The following ZNF800 variants were observed in gnomAD, a reference collection of about 807,000 sequenced individuals.
ZNF800 encodes zinc finger protein 800.
A neutral mutation model predicts 59.5 loss-of-function variants in ZNF800; 13 were observed. The observed-to-expected ratio is 0.22, with a 90% CI of 0.14 to 0.35. The LOEUF (loss-of-function observed/expected upper bound fraction) is 0.35. ZNF800 is among the 10% of genes least tolerant of loss of function. The probability of loss-of-function intolerance (pLI) is 1.00; values close to 1 mark genes in which losing one functional copy is unlikely to be tolerated. For synonymous variants in ZNF800, 266 were observed against 265.7 expected (o/e 1.00, Z -0.01); for missense variants, 621 against 783.7 (o/e 0.79, Z 2.48).
At chr7:127,386,190 C>CA (rs1216932963) in intron 2 of ZNF800, 35 bp from the exon 3 acceptor site, 4 of 1,301,896 alleles carry the variant, frequency 3.1e-6, no homozygotes, top group Admixed American at 2.0e-5. Context: ...CCAATCCCCA[C>CA]AAAAAAAGGG....
chr7:127,389,160 G>C (rs1453342362), intron 2 of ZNF800, among the ~76,000 whole-genome samples: 3 of 152,146 alleles, frequency 2.0e-5, no homozygotes, highest in Admixed American at 2.0e-4. Flanking sequence ...TAGGGAGAGA[G>C]AGTAAGTGGA....
At chr7:127,369,940 T>C (rs1335890356), downstream of ZNF800, 1 of 152,100 alleles carries the variant, frequency 6.6e-6, no homozygotes, top group South Asian at 2.1e-4. Flanking sequence ...ACCCCTAGCT[T>C]TTTAGGAATC....
intron 1 of ZNF800, among the ~76,000 whole-genome samples, chr7:127,354,968 G>C (rs11563297): frequency 0.02 from 3,061 of 152,150 alleles, 121 homozygotes; most frequent in African/African-American, 0.07. Context: ...AAGTAAAAGT[G>C]TGATTAACCC....
intron 3 of ZNF800, among the ~76,000 whole-genome samples, chr7:127,384,486 G>A (rs989061688): frequency 1.3e-5 from 2 of 151,370 alleles, no homozygotes; most frequent in South Asian, 2.1e-4. Context: ...TGCCCGCCTC[G>A]GCCTCCCAAA....
At chr7:127,372,110 A>G (rs899730016) in intron 5 of ZNF800, among the ~76,000 whole-genome samples, 1 of 152,208 alleles carries the variant, frequency 6.6e-6, no homozygotes, top group African/African-American at 2.4e-5. Flanking sequence ...AGACTTGCGA[A>G]AAGTATAGGG....
In ZNF800 at chr7:127,392,241, G is replaced by A. The variant is rs1447091109; in HGVS notation, c.-240C>T. 1.0e-5 allele frequency: 4 copies of A among 393,822 alleles called. No homozygotes were observed. Among genetic ancestry groups the A allele is most frequent in the East Asian group, 3.6e-5 (1 of 27,770 alleles). The allele number at this position is 393,822 out of a possible 1,614,324, so 24.4% of individuals were successfully genotyped here. A position where few individuals can be genotyped will look rare whatever the true frequency, so the allele number is the denominator to read the frequency against. ...AAAGAGTCCCCGCCGGCGCTGACGC[G>A]GAAGCGCCACAGCTCACCACGTCCC... On this transcript the variant is annotated 5_prime_UTR_variant, in exon 1 of 6. Coordinates refer to ENST00000265827, the MANE Select transcript of ZNF800 (RefSeq NM_176814.5).
At chr7:127,367,016 G>A (rs17870051), downstream of ZNF800, among the ~76,000 whole-genome samples, 1,935 of 152,258 alleles carry the variant, frequency 0.013, 47 homozygotes, top group African/African-American at 0.045. Flanking sequence ...AGAAGATACA[G>A]AGTGAGGTAA....
chr7:127,371,628 G>T lies in ZNF800; in HGVS notation c.*186C>A. The T allele has an allele frequency of 2.1e-6, 1 of 485,130 alleles. No homozygotes were observed. The allele number at this position is 485,130 out of a possible 1,614,324, so 30.1% of individuals were successfully genotyped here. Reference sequence around the variant, plus strand: ...ACTTGAAAGTGCTGGAATAGGCAGTGCCTTAGAAACAAGTGGTTAGATGGT... The same window carrying T: ...ACTTGAAAGTGCTGGAATAGGCAGTTCCTTAGAAACAAGTGGTTAGATGGT... On this transcript the variant is annotated 3_prime_UTR_variant, in exon 6 of 6. Transcript: ENST00000265827.
At chr7:127,380,929 G>A (rs983758800) in intron 3 of ZNF800, among the ~76,000 whole-genome samples, 5 of 152,174 alleles carry the variant, frequency 3.3e-5, no homozygotes, top group Admixed American at 6.5e-5. Context: ...ACCCCTAATA[G>A]GTGCTCAATA....
chr7:127,379,852 A>ACCAC (rs1800911322), intron 3 of ZNF800, among the ~76,000 whole-genome samples: 1 of 16,192 alleles, frequency 6.2e-5, no homozygotes, highest in Non-Finnish European at 1.2e-4. Flanking sequence ...CCACCCCCCC[A>ACCAC]CCCCCCCCAC....
chr7:127,352,724 C>T (rs1800190242), intron 1 of ZNF800, among the ~76,000 whole-genome samples: 2 of 152,146 alleles, frequency 1.3e-5, no homozygotes, highest in Non-Finnish European at 2.9e-5. Context: ...TACTATGAAG[C>T]CGGTTAAAGG....
chr7:127,374,928 T>A lies in ZNF800; in HGVS notation c.408A>T (p.Ile136=). 2 of 1,613,914 alleles carry A rather than the reference T, an allele frequency of 1.2e-6. No homozygotes were observed. The highest frequency in any genetic ancestry group is 1.7e-6 in the Non-Finnish European group (2 of 1,179,880). ...KREYIIKLEP[I]ETNQNAVFQY... ...GAAATACTGCATTTTGATTAGTTTC[T>A]ATGGGTTCTAGCTTAATAATATATT... The change falls in exon 5 of 6, where the codon ATA becomes ATT. Residue 136 remains isoleucine (I), a synonymous_variant. Coordinates refer to ENST00000265827, the MANE Select transcript of ZNF800 (RefSeq NM_176814.5).
rs896225684 is a variant in ZNF800, at chr7:127,392,421, G to C, written c.-420C>G. On this transcript the variant is annotated 5_prime_UTR_variant, in exon 1 of 6. Coordinates refer to ENST00000265827, the MANE Select transcript of ZNF800 (RefSeq NM_176814.5). ...AAGGAGCCGGAACCGGAGCGGGCAGGACCTGAGGCTTCCCTCGCCGGGGCA... is the reference window on the plus strand; with the variant it reads ...AAGGAGCCGGAACCGGAGCGGGCAGCACCTGAGGCTTCCCTCGCCGGGGCA... 5 of 377,802 alleles carry C rather than the reference G, an allele frequency of 1.3e-5. No individual in the cohort carries two copies. Among genetic ancestry groups the C allele is most frequent in the Non-Finnish European group, 1.9e-5 (4 of 213,106 alleles). The allele number at this position is 377,802 out of a possible 1,614,324, so 23.4% of individuals were successfully genotyped here.
At chr7:127,363,365 A>C (rs1414651187) in intron 1 of ZNF800, 2 of 152,060 alleles carry the variant, frequency 1.3e-5, no homozygotes, top group Admixed American at 1.3e-4. Flanking sequence ...CATTAAGGAA[A>C]CCTTAATCCA....
chr7:127,365,605 T>G (rs1800488087), downstream of ZNF800, among the ~76,000 whole-genome samples: 1 of 152,082 alleles, frequency 6.6e-6, no homozygotes, highest in Non-Finnish European at 1.5e-5. Context: ...TACACATTGT[T>G]CAATAAGACA....
At position 127,377,301 on chromosome 7, in the gene ZNF800, T is replaced by C; in HGVS notation, c.186A>G (p.Leu62=). 3.7e-6 allele frequency: 6 copies of C among 1,608,118 alleles called. No homozygotes were observed. Among genetic ancestry groups the C allele is most frequent in the Non-Finnish European group, 5.1e-6 (6 of 1,176,214 alleles). Residue 62 remains leucine (L), a synonymous_variant, in exon 4 of 6, where the codon TTA becomes TTG. Coordinates refer to ENST00000265827, the MANE Select transcript of ZNF800 (RefSeq NM_176814.5). The surrounding 1 kb of genome is among the most constrained non-coding windows in gnomAD (Gnocchi z 4.7). ...ATTCAAAAATAGTGTCCACATCTTT[T>C]AATAAAATATGCTTAAGTTGTTTAG... ...SGTKQLKHIL[L]KDVDTIFECK... is the part of the protein sequence containing the mutation.
At chr7:127,380,981 C>G (rs982038591) in intron 3 of ZNF800, among the ~76,000 whole-genome samples, 9 of 152,126 alleles carry the variant, frequency 5.9e-5, no homozygotes, top group Non-Finnish European at 1.2e-4. Flanking sequence ...TTGTGTTATT[C>G]TTTAATGGCA....
At chr7:127,372,543 G>A (rs943101152) in intron 5 of ZNF800, 9 of 864,138 alleles carry the variant, frequency 1.0e-5, no homozygotes, top group Admixed American at 6.3e-5. Context: ...CTTTTCTTAC[G>A]ACACACAACC....
intron 2 of ZNF800, among the ~76,000 whole-genome samples, chr7:127,388,423 T>C (rs1801207470): frequency 6.6e-6 from 1 of 152,084 alleles, no homozygotes; most frequent in Non-Finnish European, 1.5e-5. Flanking sequence ...AAAAAAATGG[T>C]AACTACATAA....
Sources: gnomAD v4.1 joint callset for allele counts (sites outside exome capture counted in the v4.1 genomes callset) on GRCh38, gnomAD v4.1.1 for gene constraint, Gnocchi (gnomAD v3.1) non-coding constraint, MANE v1.5 for transcripts, NCBI Gene and HGNC (gene_info 2026-07-23, HGNC 2026-07-21) for gene names.